CD1C: variants seen among roughly 807,000 people sequenced by gnomAD.
CD1C encodes CD1c molecule.
CD1C carries 47 observed loss-of-function variants against 39.4 expected under a neutral mutation model. That is an observed-to-expected ratio of 1.19 (90% confidence interval 0.94 to 1.52). CD1C has a LOEUF of 1.52. Ranked by LOEUF, CD1C falls within the 40% of genes most tolerant of loss-of-function variation. The pLI is 0.00. For synonymous variants in CD1C, 165 were observed against 150.8 expected (o/e 1.09, Z -0.69); for missense variants, 417 against 395.2 (o/e 1.06, Z -0.47).
chr1:158,292,859 A>G lies in CD1C; in HGVS notation c.874A>G (p.Ile292Val). The change falls in exon 4 of 6, where the codon ATC becomes GTC. Residue 292 changes from isoleucine to valine, a missense_variant. Transcript: ENST00000368170. ...ACACAGCAGTCTAGGAGGCCAGGAC[A>G]TCATCCTCTACTGGGGTAAGACTGG... ...VRHSSLGGQD[I>V]ILYWGHHFSM... 1 of 1,614,102 alleles carries G rather than the reference A, an allele frequency of 6.2e-7. No homozygotes were observed. The highest frequency in any genetic ancestry group is 8.5e-7 in the Non-Finnish European group (1 of 1,179,982).
In CD1C at chr1:158,293,606, A is replaced by G. The variant is rs1651134147; in HGVS notation, c.*130A>G. ...CTTTCTGCATAATAAACATTTGTTA[A>G]TAAAAACCAAATTCTAATTTGGAAT... is the stretch of plus-strand genomic sequence containing the variant. On this transcript the variant is annotated 3_prime_UTR_variant, in exon 6 of 6. Transcript: ENST00000368170. 3 of 1,604,660 alleles carry G rather than the reference A, an allele frequency of 1.9e-6. No homozygotes were observed. The highest frequency in any genetic ancestry group is 1.3e-5 in the African/African-American group (1 of 74,694).
intron 3 of CD1C, 48 bp downstream of exon 3, chr1:158,292,413 G>A (rs753700863): frequency 1.9e-5 from 30 of 1,568,532 alleles, no homozygotes; most frequent in Non-Finnish European, 2.3e-5. Context: ...TTCAAGTACT[G>A]CCCCTTCTGT....
chr1:158,293,499 A>G lies in CD1C; in HGVS notation c.*23A>G. ...TGAGACTCTTCCCCCTGACTCCCCC[A>G]TTGTGTTAAGAACCCAGCAACCCAG... On this transcript the variant is annotated 3_prime_UTR_variant, in exon 6 of 6. Coordinates refer to ENST00000368170, the MANE Select transcript of CD1C (RefSeq NM_001765.3). 1 of 1,613,972 alleles carries G rather than the reference A, an allele frequency of 6.2e-7. No homozygotes were observed.
rs563525747 is a variant in CD1C, at chr1:158,294,127, TAGAC to T, written c.*655_*658del. Among the ~76,000 whole-genome samples, 17 of 152,300 alleles carry T rather than the reference TAGAC, an allele frequency of 1.1e-4. No individual in the cohort carries two copies. The highest frequency in any genetic ancestry group is 1.0e-3 in the South Asian group (5 of 4,822). On this transcript the variant is annotated 3_prime_UTR_variant, in exon 6 of 6. Transcript: ENST00000368170. The stretch of plus-strand genomic sequence containing the variant: ...AAACACAGAGAATTACAAATGCAAA[TAGAC>T]AGAGAGTGTGCAAGTTACATGTGAT...
rs909971534 is a variant in CD1C, at chr1:158,293,540, T to G, written c.*64T>G. On this transcript the variant is annotated 3_prime_UTR_variant, in exon 6 of 6. Coordinates refer to ENST00000368170, the MANE Select transcript of CD1C (RefSeq NM_001765.3). The stretch of plus-strand genomic sequence containing the variant: ...AGCAACCCAGGAGCCTAGTACAATA[T>G]AGTGATGCCATCCCGTCGACTCTCC... 23 of 1,613,942 alleles carry G rather than the reference T, an allele frequency of 1.4e-5. No individual in the cohort carries two copies. Among genetic ancestry groups the G allele is most frequent in the Non-Finnish European group, 1.9e-5 (23 of 1,179,950 alleles).
chr1:158,290,147 G>A (rs1430872384), intron 1 of CD1C, 22 bp downstream of exon 1: 1 of 1,608,398 alleles, frequency 6.2e-7, no homozygotes, highest in Non-Finnish European at 8.5e-7. Context: ...GCTGTCAGCT[G>A]CAAGGTTACA....
At chr1:158,290,922 G>T (rs1055340629) in intron 1 of CD1C, among the ~76,000 whole-genome samples, 1 of 152,048 alleles carries the variant, frequency 6.6e-6, no homozygotes, top group African/African-American at 2.4e-5. Context: ...AAGCCAGAAT[G>T]GTTGCCATTT....
chr1:158,290,567 A>T (rs1382558311), intron 1 of CD1C, among the ~76,000 whole-genome samples: 2 of 152,134 alleles, frequency 1.3e-5, no homozygotes, highest in East Asian at 3.9e-4. Flanking sequence ...GAGTAACTTT[A>T]GTTCAGAGCA....
rs1194752409 is a variant in CD1C at position 158,293,212 on chromosome 1, G to A, written c.890G>A (p.Gly297Glu). Residue 297 changes from glycine to glutamate, a missense_variant and splice_region_variant, in exon 5 of 6, where the codon GGA becomes GAA. Gly to Glu is a moderately conservative substitution (Grantham distance 98). Coordinates refer to ENST00000368170, the MANE Select transcript of CD1C (RefSeq NM_001765.3). Reference sequence around the variant, plus strand: ...CCATGTATCTTTCCAATATGTGCAGGACACCACTTTTCCATGAATTGGATT... The same window carrying A: ...CCATGTATCTTTCCAATATGTGCAGAACACCACTTTTCCATGAATTGGATT... ...LGGQDIILYW[G>E]HHFSMNWIAL... 5 of 1,611,570 alleles carry A rather than the reference G, an allele frequency of 3.1e-6. No homozygotes were observed. Among genetic ancestry groups the A allele is most frequent in the Admixed American group, 1.7e-5 (1 of 59,972 alleles).
rs1188096953 is a variant in CD1C, at chr1:158,289,988, G to T, written c.-77G>T. On this transcript the variant is annotated 5_prime_UTR_variant, in exon 1 of 6. It adds an upstream start codon to the 5' untranslated region. Transcript: ENST00000368170. ...GTTGGTAGAAGGAAGTCAGAATATA[G>T]GTACAGAGGGATAAGTTTGCTAAGA... The T allele has an allele frequency of 3.8e-6, 5 of 1,332,220 alleles. No individual in the cohort carries two copies. The African/African-American group carries it at 7.2e-5, about 19-fold the overall frequency. 82.5% of individuals were successfully genotyped at this position (1,332,220 alleles called of 1,614,324 possible). A position where few individuals can be genotyped will look rare whatever the true frequency, so the allele number is the denominator to read the frequency against.
intron 1 of CD1C, 93 bp from the exon 2 acceptor site, chr1:158,291,041 G>A: frequency 7.7e-7 from 1 of 1,305,576 alleles, no homozygotes. Context: ...ATGTTTCTCT[G>A]TGGTAACTGG....
chr1:158,291,088 C>CTTT, intron 1 of CD1C, 46 bp from the exon 2 acceptor site: 6 of 1,267,702 alleles, frequency 4.7e-6, no homozygotes, highest in African/African-American at 1.5e-5. Context: ...CCTTGCCTCT[C>CTTT]TTTTTTTTTT....
Position 158,292,987 on chromosome 1 carries a change from G to A in CD1C, c.889+113G>A, listed in dbSNP as rs1204015738. On this transcript the variant is annotated intron_variant, in intron 4 of 5. Coordinates refer to ENST00000368170, the MANE Select transcript of CD1C (RefSeq NM_001765.3). ...GAGGGATTGTAGGAAGAAATGTATA[G>A]GGTAATTTAAAGAATAGTGGAGTAA... 2.7e-5 allele frequency: 29 copies of A among 1,079,868 alleles called. No homozygotes were observed. In the South Asian group the frequency reaches 4.5e-4, roughly 17 times the overall value. 66.9% of individuals were successfully genotyped at this position (1,079,868 alleles called of 1,614,324 possible).
rs370381988 is a variant in CD1C, at chr1:158,292,915, G to C, written c.889+41G>C. On this transcript the variant is annotated intron_variant, in intron 4 of 5. Transcript: ENST00000368170. ...GGAAGTGTAGGTAGGTGGTTCTTGA[G>C]CCTAGAGGTTAGGGGAGAGGAAATT... is the stretch of plus-strand genomic sequence containing the variant. 99 of 1,602,740 alleles carry C rather than the reference G, an allele frequency of 6.2e-5. No individual in the cohort carries two copies. The African/African-American group carries it at 1.2e-3, about 19-fold the overall frequency.
intron 1 of CD1C, 72 bp from the exon 2 acceptor site, chr1:158,291,062 A>G: frequency 6.7e-7 from 1 of 1,481,626 alleles, no homozygotes; most frequent in East Asian, 2.3e-5. Context: ...TTCACCTTCC[A>G]TTTTCTCTCC....
Position 158,291,238 on chromosome 1 carries a change from C to G in CD1C, c.166C>G (p.His56Asp), listed in dbSNP as rs747846446. ...AGGATGGCTGGACGAGTTGCAGACTCATGGCTGGGACAGTGAATCAGGCAC... is the reference window on the plus strand; with the variant it reads ...AGGATGGCTGGACGAGTTGCAGACTGATGGCTGGGACAGTGAATCAGGCAC... ...GSGWLDELQT[H>D]GWDSESGTII... The change falls in exon 2 of 6, where the codon CAT becomes GAT. Residue 56 changes from histidine (H) to aspartate (D), a missense_variant. Coordinates refer to ENST00000368170, the MANE Select transcript of CD1C (RefSeq NM_001765.3). The G allele has an allele frequency of 6.2e-7, 1 of 1,614,150 alleles. No homozygotes were observed. Among genetic ancestry groups the G allele is most frequent in the Non-Finnish European group, 8.5e-7 (1 of 1,180,030 alleles).
intron 2 of CD1C, 36 bp from the exon 3 acceptor site, chr1:158,292,048 G>A: frequency 1.3e-6 from 2 of 1,572,686 alleles, no homozygotes; most frequent in Non-Finnish European, 8.6e-7. Context: ...TCACTTTTTT[G>A]TTTGAACTCT....
chr1:158,290,185 T>TC, intron 1 of CD1C, 60 bp downstream of exon 1: 1 of 1,446,440 alleles, frequency 6.9e-7, no homozygotes, highest in Non-Finnish European at 9.7e-7. Context: ...TGCTGGGCTT[T>TC]CCCGAGATGG....
At chr1:158,292,470 G>A in intron 3 of CD1C, 105 bp downstream of exon 3, 9 of 1,482,754 alleles carry the variant, frequency 6.1e-6, no homozygotes, top group Non-Finnish European at 8.2e-6. Flanking sequence ...GAAGCAGGGG[G>A]GTTGCTGGGT....
Sources: gnomAD v4.1 joint callset for allele counts (sites outside exome capture counted in the v4.1 genomes callset) on GRCh38, gnomAD v4.1.1 for gene constraint, MANE v1.5 for transcripts, NCBI Gene and HGNC (gene_info 2026-07-23, HGNC 2026-07-21) for gene names.